The following PAX3 variants were observed in gnomAD, a reference collection of about 807,000 sequenced individuals.
PAX3 encodes paired box 3.
In PAX3, 14 loss-of-function variants were observed where a neutral mutation model predicts 51.6. The observed-to-expected ratio is 0.27, with a 90% CI of 0.18 to 0.42. The LOEUF is 0.42. PAX3 is among the 10% of genes least tolerant of loss of function. The pLI, the probability that PAX3 is intolerant of heterozygous loss-of-function variation, is 1.00. For missense variants in PAX3, 540 were observed against 642.8 expected (o/e 0.84, Z 1.73); for synonymous variants, 280 against 253.4 (o/e 1.11, Z -1.00).
chr2:222,295,999 T>G (rs1286499952), intron 2 of PAX3, among the ~76,000 whole-genome samples: 3 of 152,042 alleles, frequency 2.0e-5, no homozygotes, highest in African/African-American at 7.3e-5. Flanking sequence ...AGAACCAACA[T>G]GAAAACGAAA....
rs1352977993 is a variant in PAX3, at chr2:222,218,241, CATAGCCAGGCTT to C, written c.1173+1887_1173+1898del. Reference sequence around the variant, plus strand: ...TTTGCTCTACCATCAACTCCAGAATCATAGCCAGGCTTCTTGAAGTCAAGGATTAATAGTTAG... The same window carrying C: ...TTTGCTCTACCATCAACTCCAGAATCCTTGAAGTCAAGGATTAATAGTTAG... On this transcript the variant is annotated intron_variant, in intron 7 of 8. Coordinates refer to ENST00000392070, the MANE Select transcript of PAX3 (RefSeq NM_181458.4). Among the ~76,000 whole-genome samples the C allele has an allele frequency of 3.3e-5, 5 of 152,288 alleles. No individual in the cohort carries two copies. The East Asian group carries it at 7.7e-4, about 23-fold the overall frequency.
intron 4 of PAX3, among the ~76,000 whole-genome samples, chr2:222,280,347 G>C (rs1242958173): frequency 7.2e-6 from 1 of 138,870 alleles, no homozygotes; most frequent in African/African-American, 2.7e-5. Context: ...AGGAAGGAAA[G>C]AAAAAGAAAG....
chr2:222,295,164 C>T (rs925920555), intron 3 of PAX3, among the ~76,000 whole-genome samples: 1 of 152,158 alleles, frequency 6.6e-6, no homozygotes, highest in African/African-American at 2.4e-5. Flanking sequence ...AAAGTCCCTC[C>T]CGGCGCGGGC....
chr2:222,294,526 A>G (rs1695184433), intron 3 of PAX3, among the ~76,000 whole-genome samples: 2 of 151,846 alleles, frequency 1.3e-5, no homozygotes, highest in Non-Finnish European at 2.9e-5. Context: ...CTCGGTACTG[A>G]AAGACGGAGG....
intron 4 of PAX3, among the ~76,000 whole-genome samples, chr2:222,283,981 C>G (rs2106179664): frequency 6.6e-6 from 1 of 152,298 alleles, no homozygotes; most frequent in South Asian, 2.1e-4. Flanking sequence ...ACACTGCACC[C>G]CAATAACACA....
At chr2:222,271,569 A>G (rs1325375451) in intron 4 of PAX3, among the ~76,000 whole-genome samples, 12 of 152,176 alleles carry the variant, frequency 7.9e-5, no homozygotes, top group Non-Finnish European at 1.3e-4. Context: ...CTTTGAGTTG[A>G]GGGAAAAACC....
rs189405142 is a variant in PAX3, at chr2:222,290,969, T to C, written c.586+3198A>G. ...AAGAAGGGGGGAGGCGGGCTGTGTC[T>C]AGATGAAAGTGAGAAGGACATAAAG... is the stretch of plus-strand genomic sequence containing the variant. On this transcript the variant is annotated intron_variant, in intron 4 of 8. Coordinates refer to ENST00000392070, the MANE Select transcript of PAX3 (RefSeq NM_181458.4). Among the ~76,000 whole-genome samples the C allele has an allele frequency of 2.8e-3, 417 of 149,222 alleles. 3 individuals are homozygous for C. Among genetic ancestry groups the C allele is most frequent in the African/African-American group, 9.2e-3 (373 of 40,676 alleles).
intron 4 of PAX3, among the ~76,000 whole-genome samples, chr2:222,265,646 A>AAGGAAGGAAGGAAGGAAGGAAG (rs772452636): frequency 1.4e-4 from 15 of 109,248 alleles, no homozygotes; most frequent in African/African-American, 5.3e-4. Flanking sequence ...ATCAAAAAAA[A>AAGGAAGGAAGGAAGGAAGGAAG]GAAGGAAGGA....
intron 4 of PAX3, among the ~76,000 whole-genome samples, chr2:222,252,545 AC>A (rs1693476623): frequency 6.6e-6 from 1 of 152,166 alleles, no homozygotes. Flanking sequence ...ACATTCCGTT[AC>A]CACCAAAGCC....
At chr2:222,258,980 A>G (rs1693747203) in intron 4 of PAX3, among the ~76,000 whole-genome samples, 1 of 152,188 alleles carries the variant, frequency 6.6e-6, no homozygotes, top group Non-Finnish European at 1.5e-5. Context: ...ACCCTGAAGC[A>G]TACTGTGGAG....
At chr2:222,231,965 A>C in intron 5 of PAX3, 113 bp downstream of exon 5, 3 of 906,804 alleles carry the variant, frequency 3.3e-6, no homozygotes, top group Admixed American at 3.6e-5. Flanking sequence ...TCCCTAGTAA[A>C]GGGCCATTCC....
intron 7 of PAX3, among the ~76,000 whole-genome samples, chr2:222,218,577 C>T (rs1389347614): frequency 1.3e-5 from 2 of 152,096 alleles, no homozygotes; most frequent in Non-Finnish European, 2.9e-5. Context: ...CTTAAAAAAT[C>T]GCGGAGATAA....
At chr2:222,297,434 C>T (rs1469378557) in intron 1 of PAX3, among the ~76,000 whole-genome samples, 1 of 152,190 alleles carries the variant, frequency 6.6e-6, no homozygotes, top group Non-Finnish European at 1.5e-5. Context: ...GTAAAGACAG[C>T]AAATGGGGCA....
chr2:222,243,453 G>A (rs962268661), intron 4 of PAX3, among the ~76,000 whole-genome samples: 2 of 152,154 alleles, frequency 1.3e-5, no homozygotes, highest in African/African-American at 2.4e-5. Flanking sequence ...AATAATATAT[G>A]GAGCCTAAAC....
chr2:222,221,642 G>T (rs1692196911), intron 5 of PAX3: 1 of 448,882 alleles, frequency 2.2e-6, no homozygotes, highest in African/African-American at 2.0e-5. Flanking sequence ...TGAGGACCAT[G>T]GGCAGGAATC....
chr2:222,209,789 G>T (rs1276663445), intron 7 of PAX3, among the ~76,000 whole-genome samples: 1 of 146,484 alleles, frequency 6.8e-6, no homozygotes, highest in Non-Finnish European at 1.5e-5. Context: ...CTACTGGGGG[G>T]CTAAGGTAAG....
intron 4 of PAX3, among the ~76,000 whole-genome samples, chr2:222,293,116 C>T (rs1022415930): frequency 2.0e-5 from 3 of 152,178 alleles, no homozygotes; most frequent in Admixed American, 6.5e-5. Context: ...CCTGGAAAGC[C>T]GCCTGTCCCT....
At chr2:222,256,672 T>G (rs899204456) in intron 4 of PAX3, among the ~76,000 whole-genome samples, 5 of 152,228 alleles carry the variant, frequency 3.3e-5, no homozygotes, top group South Asian at 2.1e-4. Context: ...TTTTTAAAAC[T>G]AATACTCTTT....
At chr2:222,207,101 GAT>G (rs1256633586) in intron 7 of PAX3, among the ~76,000 whole-genome samples, 3 of 151,752 alleles carry the variant, frequency 2.0e-5, no homozygotes, top group African/African-American at 7.3e-5. Flanking sequence ...TTTTTATTTA[GAT>G]ATAATATATT....
Sources: gnomAD v4.1 joint callset for allele counts (sites outside exome capture counted in the v4.1 genomes callset) on GRCh38, gnomAD v4.1.1 for gene constraint, MANE v1.5 for transcripts, NCBI Gene and HGNC (gene_info 2026-07-23, HGNC 2026-07-21) for gene names.